The following ADAM17 variants were observed in gnomAD, a reference collection of about 807,000 sequenced individuals.
ADAM17 encodes disintegrin and metalloproteinase domain-containing protein 17.
ADAM17 carries 39 observed loss-of-function variants against 96.7 expected under a neutral mutation model. The ratio of observed to expected loss-of-function variants is 0.40; its 90% CI spans 0.31 to 0.53. The LOEUF (loss-of-function observed/expected upper bound fraction) is 0.53. Among genes scored for constraint, ADAM17 ranks in the 20% least tolerant of loss-of-function variants. The probability of loss-of-function intolerance (pLI) is 0.44; values close to 1 mark genes in which losing one functional copy is unlikely to be tolerated. For synonymous variants in ADAM17, 344 were observed against 359.2 expected, an observed-to-expected ratio of 0.96 and a Z score of 0.48; for missense variants, 777 against 1,013.2, an observed-to-expected ratio of 0.77 and a Z score of 3.17.
intron 4 of ADAM17, among the ~76,000 whole-genome samples, chr2:9,533,209 T>G (rs1664822503): frequency 6.6e-6 from 1 of 151,224 alleles, no homozygotes; most frequent in South Asian, 2.1e-4. Flanking sequence ...AAATGTAATC[T>G]GAGCAAATTT....
Position 9,494,625 on chromosome 2 carries a change from A to G in ADAM17, c.1914+12T>C. 1 of 1,613,202 alleles carries G rather than the reference A, an allele frequency of 6.2e-7. No homozygotes were observed. Among genetic ancestry groups the G allele is most frequent in the Non-Finnish European group, 8.5e-7 (1 of 1,179,656 alleles). On this transcript the variant is annotated intron_variant, in intron 15 of 18. Transcript: ENST00000310823. ...CTGGCTGTTACAGAAAAAGCTGTACATAAATACTCACATTCATGTCACAAA... is the reference window on the plus strand; with the variant it reads ...CTGGCTGTTACAGAAAAAGCTGTACGTAAATACTCACATTCATGTCACAAA...
Position 9,490,094 on chromosome 2 carries a change from A to C in ADAM17, c.*83T>G. On this transcript the variant is annotated 3_prime_UTR_variant, in exon 19 of 19. Transcript: ENST00000310823. ...TCTGCTAAGTCACTTCCCAGTCTTC[A>C]CAAAATACAAGCTGTGATTGATTTG... The C allele has an allele frequency of 7.6e-7, 1 of 1,314,548 alleles. No homozygotes were observed. 81.4% of individuals were successfully genotyped at this position (1,314,548 alleles called of 1,614,324 possible). A position where few individuals can be genotyped will look rare whatever the true frequency, so the allele number is the denominator to read the frequency against.
At chr2:9,500,689 T>C (rs1447045208) in intron 13 of ADAM17, among the ~76,000 whole-genome samples, 1 of 152,186 alleles carries the variant, frequency 6.6e-6, no homozygotes, top group East Asian at 1.9e-4. Context: ...TGAATATTGC[T>C]TTTTGACAAT....
intron 3 of ADAM17, 58 bp downstream of exon 3, chr2:9,536,640 T>C (rs145643327): frequency 6.3e-7 from 1 of 1,597,900 alleles, no homozygotes; most frequent in African/African-American, 1.3e-5. Context: ...GCAATCAAGT[T>C]AGATTTGGAG....
intron 7 of ADAM17, chr2:9,522,579 T>C (rs1204900680): frequency 2.2e-6 from 1 of 453,076 alleles, no homozygotes; most frequent in East Asian, 3.1e-5. Flanking sequence ...CTAAATTCTA[T>C]ACTATATAAC....
intron 7 of ADAM17, 87 bp downstream of exon 7, chr2:9,523,162 A>C (rs1168526721): frequency 1.0e-6 from 1 of 965,446 alleles, no homozygotes; most frequent in Non-Finnish European, 1.5e-6. Flanking sequence ...ATTATTGTTA[A>C]GGACAAGTTT....
Position 9,489,085 on chromosome 2 carries a change from AG to A in ADAM17, c.*1091del, listed in dbSNP as rs1316113475. ...CTGAAGTATCAAGTCTTGTGGGGAC[AG>A]CCCCCAACCCTAAGGGCAGGTAGTA... is the stretch of plus-strand genomic sequence containing the variant. On this transcript the variant is annotated 3_prime_UTR_variant, in exon 19 of 19. Transcript: ENST00000310823. The A allele has an allele frequency of 3.3e-5, 5 of 152,284 alleles. No individual in the cohort carries two copies. The highest frequency in any genetic ancestry group is 1.2e-4 in the African/African-American group (5 of 41,560). 9.4% of individuals were successfully genotyped at this position (152,284 alleles called of 1,614,324 possible). A position where few individuals can be genotyped will look rare whatever the true frequency, so the allele number is the denominator to read the frequency against.
At chr2:9,509,614 G>A (rs1283590368) in intron 11 of ADAM17, among the ~76,000 whole-genome samples, 2 of 152,174 alleles carry the variant, frequency 1.3e-5, no homozygotes, top group Non-Finnish European at 2.9e-5. Flanking sequence ...AACTGTACAT[G>A]TAAATTGTAG....
chr2:9,502,262 G>A lies in ADAM17; in HGVS notation c.1559C>T (p.Pro520Leu), dbSNP rs1306828713. ...CTCAAACTGACAGTTTTTACAGCAA[G>A]GACTGTTCCTGTCACTGGAGAAGAA... is the stretch of plus-strand genomic sequence containing the variant. ...EGVQCSDRNS[P>L]CCKNCQFETA... Residue 520 changes from proline (P) to leucine (L), a missense_variant, in exon 13 of 19, where the codon CCT becomes CTT. Physicochemically the swap from Pro to Leu is moderately conservative, Grantham distance 98. Around this residue, in one of 3 missense-constraint regions of ADAM17, gnomAD observed 446 missense variants for 664.7 expected, o/e 0.67. Coordinates refer to ENST00000310823, the MANE Select transcript of ADAM17 (RefSeq NM_003183.6). 2 of 1,613,494 alleles carry A rather than the reference G, an allele frequency of 1.2e-6. No homozygotes were observed. The highest frequency in any genetic ancestry group is 1.7e-6 in the Non-Finnish European group (2 of 1,179,796).
At position 9,498,606 on chromosome 2, in the gene ADAM17, A is replaced by G. The variant is rs117247273; in HGVS notation, c.1649-1358T>C. Reference sequence around the variant, plus strand: ...CAGAAAATCTGGCCAGTTTCAAACAAAAGTGATGGTTTATTAAGTACCCAA... The same window carrying G: ...CAGAAAATCTGGCCAGTTTCAAACAGAAGTGATGGTTTATTAAGTACCCAA... On this transcript the variant is annotated intron_variant, in intron 13 of 18. Transcript: ENST00000310823. Among the ~76,000 whole-genome samples the G allele has an allele frequency of 2.1e-4, 32 of 152,332 alleles. No homozygotes were observed. In the East Asian group the frequency reaches 5.4e-3, roughly 26 times the overall value.
chr2:9,555,760 C>T lies in ADAM17; in HGVS notation c.-155G>A. On this transcript the variant is annotated 5_prime_UTR_variant, in exon 1 of 19. Coordinates refer to ENST00000310823, the MANE Select transcript of ADAM17 (RefSeq NM_003183.6). ...GCCGCCTACTGGGAAGATTCTACCG[C>T]CAGGCTCGACGCCCCCAGAAGTGCA... 1 of 563,914 alleles carries T rather than the reference C, an allele frequency of 1.8e-6. No homozygotes were observed. The highest frequency in any genetic ancestry group is 2.9e-6 in the Non-Finnish European group (1 of 348,424). The allele number at this position is 563,914 out of a possible 1,614,324, so 34.9% of individuals were successfully genotyped here.
intron 10 of ADAM17, among the ~76,000 whole-genome samples, chr2:9,511,834 T>G (rs1205474049): frequency 6.6e-6 from 1 of 151,062 alleles, no homozygotes; most frequent in Non-Finnish European, 1.5e-5. Context: ...AGCCAGGCAT[T>G]GTGGTGGGCG....
intron 17 of ADAM17, among the ~76,000 whole-genome samples, chr2:9,492,281 G>C (rs745368302): frequency 6.6e-6 from 1 of 152,174 alleles, no homozygotes; most frequent in East Asian, 1.9e-4. Flanking sequence ...GAATGGATTC[G>C]TAAGAACATT....
rs1312826466 is a variant in ADAM17, at chr2:9,505,086, C to T, written c.1544+80G>A. ...ACACCCCTTTCAGTTGATTCTAAAG[C>T]CCCTGCAAGTTCAGTCTTCTCTTAT... On this transcript the variant is annotated intron_variant, in intron 12 of 18. Transcript: ENST00000310823. 1.1e-5 allele frequency: 16 copies of T among 1,444,150 alleles called. No individual in the cohort carries two copies. In the South Asian group the frequency reaches 1.6e-4, roughly 14 times the overall value. The allele number at this position is 1,444,150 out of a possible 1,614,324, so 89.5% of individuals were successfully genotyped here.
chr2:9,515,511 C>T (rs1314518786), intron 10 of ADAM17, among the ~76,000 whole-genome samples: 4 of 151,894 alleles, frequency 2.6e-5, no homozygotes, highest in African/African-American at 9.7e-5. Flanking sequence ...CTGAAGCAGG[C>T]GGATCACCTG....
At position 9,527,862 on chromosome 2, in the gene ADAM17, T is replaced by A. The variant is rs1213261030; in HGVS notation, c.543A>T (p.Pro181=). The A allele has an allele frequency of 1.2e-6, 2 of 1,606,644 alleles. No individual in the cohort carries two copies. The highest frequency in any genetic ancestry group is 2.7e-5 in the African/African-American group (2 of 74,806). Residue 181 remains proline, a synonymous_variant, in exon 5 of 19, where the codon CCA becomes CCT. Transcript: ENST00000310823. ...CCACTTTTAAATAACCACACACTTT[T>A]GGAGACTGCAAACGTGAAACATTCT... ...DIKNVSRLQS[P]KVCGYLKVDN...
chr2:9,501,061 G>C (rs1662970597), intron 13 of ADAM17, among the ~76,000 whole-genome samples: 1 of 96,600 alleles, frequency 1.0e-5, no homozygotes, highest in African/African-American at 5.0e-5. Flanking sequence ...ACAGATAGGA[G>C]ACGTATGCCC....
At chr2:9,518,016 A>T (rs1177256132) in intron 9 of ADAM17, 27 bp from the exon 10 acceptor site, 1 of 1,580,850 alleles carries the variant, frequency 6.3e-7, no homozygotes, top group Non-Finnish European at 8.6e-7. Flanking sequence ...ACAGAGATAA[A>T]TTGCTTATTA....
At chr2:9,498,730 TATG>T (rs1414075758) in intron 13 of ADAM17, among the ~76,000 whole-genome samples, 2 of 152,352 alleles carry the variant, frequency 1.3e-5, no homozygotes, top group African/African-American at 4.8e-5. Context: ...TTACTGAAAG[TATG>T]ATGTCCAGTG....
Sources: allele counts gnomAD v4.1 joint callset (sites outside exome capture counted in the v4.1 genomes callset), GRCh38; gene constraint gnomAD v4.1.1; regional missense constraint gnomAD v4.1.1; transcripts MANE v1.5; gene names NCBI Gene and HGNC (gene_info 2026-07-23, HGNC 2026-07-21).